Variants in ATP10B observed in about 807,000 individuals in gnomAD.
ATP10B encodes the protein phospholipid-transporting ATPase VB.
A neutral mutation model predicts 141.2 loss-of-function variants in ATP10B; 122 were observed. That is an observed-to-expected ratio of 0.86 (90% CI 0.75 to 1.00). The LOEUF is 1.00. Ranked by LOEUF, ATP10B falls within the 50% of genes least tolerant of loss-of-function variation. ATP10B has a pLI of 0.00. For synonymous variants in ATP10B, 685 were observed against 692.0 expected, an observed-to-expected ratio of 0.99 and a Z score of 0.16; for missense variants, 1,876 against 1,825.3, an observed-to-expected ratio of 1.03 and a Z score of -0.51.
chr5:160,734,549 A>G lies in ATP10B; in HGVS notation c.-330-17515T>C, dbSNP rs573803262. On this transcript the variant is annotated intron_variant, in intron 2 of 25. Coordinates refer to ENST00000327245, the MANE Select transcript of ATP10B (RefSeq NM_025153.3). ...AAAAGTTAAGAGTTTATATTAATTTATAAGATTCATAACCTAGTACAACCA... is the reference window on the plus strand; with the variant it reads ...AAAAGTTAAGAGTTTATATTAATTTGTAAGATTCATAACCTAGTACAACCA... 4.6e-5 allele frequency among the ~76,000 whole-genome samples: 7 copies of G among 152,178 alleles called. No homozygotes were observed. The South Asian group carries it at 6.2e-4, about 14-fold the overall frequency.
At chr5:160,860,557 A>C in the ATP10B span, among the ~76,000 whole-genome samples, 1 of 152,010 alleles carries the variant, frequency 6.6e-6, no homozygotes, top group African/African-American at 2.4e-5. Context: ...GGTAAAGATG[A>C]AACAACAATG....
At chr5:160,737,289 C>A (rs1374819414) in intron 2 of ATP10B, among the ~76,000 whole-genome samples, 2 of 152,286 alleles carry the variant, frequency 1.3e-5, no homozygotes, top group Middle Eastern at 3.4e-3. Context: ...AGACCCTCAA[C>A]TGGTGTCATA....
intron 1 of ATP10B, among the ~76,000 whole-genome samples, chr5:160,808,288 T>C (rs948389427): frequency 6.6e-6 from 1 of 152,218 alleles, no homozygotes; most frequent in Non-Finnish European, 1.5e-5. Flanking sequence ...AACTTTCTAA[T>C]GAATTTGCGA....
Position 160,617,980 on chromosome 5 carries a change from A to T in ATP10B, c.2417-7T>A, listed in dbSNP as rs773593921. The stretch of plus-strand genomic sequence containing the variant: ...TCCATATTAATGTCAGGTACTGTCA[A>T]ATAGCCATTTTCCCGCATGAGGCCA... On this transcript the variant is annotated splice_region_variant and splice_polypyrimidine_tract_variant and intron_variant, in intron 15 of 25. Coordinates refer to ENST00000327245, the MANE Select transcript of ATP10B (RefSeq NM_025153.3). 1.2e-6 allele frequency: 2 copies of T among 1,611,036 alleles called. No homozygotes were observed. Among genetic ancestry groups the T allele is most frequent in the Non-Finnish European group, 1.7e-6 (2 of 1,177,210 alleles).
At chr5:160,674,015 T>TC (rs1401887969) in intron 6 of ATP10B, among the ~76,000 whole-genome samples, 29 of 152,316 alleles carry the variant, frequency 1.9e-4, no homozygotes, top group Admixed American at 1.5e-3. Context: ...TCCTTTTTTT[T>TC]CTCCCTTCTT....
the ATP10B span, among the ~76,000 whole-genome samples, chr5:160,866,373 C>A: frequency 6.6e-6 from 1 of 151,922 alleles, no homozygotes; most frequent in Non-Finnish European, 1.5e-5. Flanking sequence ...GGATGCAAAG[C>A]CATAAGAATG....
intron 2 of ATP10B, among the ~76,000 whole-genome samples, chr5:160,723,420 A>G (rs9313855): frequency 0.77 from 116,561 of 152,100 alleles, 44,952 homozygotes; most frequent in African/African-American, 0.83. Context: ...GTAGCTAACT[A>G]TTATGCACCA....
chr5:160,823,898 C>CA (rs1317532499), intron 1 of ATP10B, among the ~76,000 whole-genome samples: 1 of 152,048 alleles, frequency 6.6e-6, no homozygotes, highest in Non-Finnish European at 1.5e-5. Context: ...AATGTACCCA[C>CA]AAAAATTAAA....
intron 10 of ATP10B, chr5:160,639,111 G>A (rs1281737896): frequency 6.6e-6 from 1 of 152,340 alleles, no homozygotes; most frequent in African/African-American, 2.4e-5. Context: ...GGGGCTAAGA[G>A]TGGCCTCTCT....
chr5:160,650,401 A>G (rs574886711), intron 7 of ATP10B, among the ~76,000 whole-genome samples: 2 of 152,254 alleles, frequency 1.3e-5, no homozygotes, highest in South Asian at 4.1e-4. Flanking sequence ...TGTAACAAAG[A>G]TCCCACCAAG....
chr5:160,716,885 G>T lies in ATP10B; in HGVS notation c.-205+24C>A, dbSNP rs530311938. The T allele has an allele frequency of 6.1e-6, 6 of 984,702 alleles. No homozygotes were observed. In the East Asian group the frequency reaches 6.8e-4, roughly 112 times the overall value. The allele number at this position is 984,702 out of a possible 1,614,324, so 61.0% of individuals were successfully genotyped here. The stretch of plus-strand genomic sequence containing the variant: ...TTCCACATAGGAAAAGGAAAGAAAC[G>T]GGGAAGCAACGCAAAAGATATACCT... On this transcript the variant is annotated intron_variant, in intron 3 of 25. Transcript: ENST00000327245.
intron 3 of ATP10B, among the ~76,000 whole-genome samples, chr5:160,690,168 A>T (rs1463407969): frequency 6.6e-6 from 1 of 152,234 alleles, no homozygotes; most frequent in African/African-American, 2.4e-5. Flanking sequence ...AGAAACTGAA[A>T]CTGGACACCT....
intron 24 of ATP10B, among the ~76,000 whole-genome samples, chr5:160,570,437 T>G (rs1419102082): frequency 2.6e-5 from 4 of 152,206 alleles, no homozygotes; most frequent in Non-Finnish European, 5.9e-5. Flanking sequence ...GATTACTCAA[T>G]AAGTCTAAAC....
Position 160,627,106 on chromosome 5 carries a change from A to T in ATP10B, c.1621-4521T>A, listed in dbSNP as rs973696351. Among the ~76,000 whole-genome samples, 3 of 151,838 alleles carry T rather than the reference A, an allele frequency of 2.0e-5. No individual in the cohort carries two copies. The South Asian group carries it at 6.2e-4, about 32-fold the overall frequency. ...CAGATTGTCTCCTCTCACAACCTGC[A>T]CTCCTCATCCACTCCTCACTAGGTG... On this transcript the variant is annotated intron_variant, in intron 13 of 25. Coordinates refer to ENST00000327245, the MANE Select transcript of ATP10B (RefSeq NM_025153.3).
At chr5:160,569,407 G>T in intron 25 of ATP10B, 89 bp downstream of exon 25, 1 of 1,338,830 alleles carries the variant, frequency 7.5e-7, no homozygotes, top group Non-Finnish European at 1.0e-6. Context: ...GCCAGCAGAA[G>T]TCAAACTCCT....
chr5:160,636,511 T>C (rs1049355626), intron 10 of ATP10B, among the ~76,000 whole-genome samples: 5 of 152,222 alleles, frequency 3.3e-5, no homozygotes, highest in African/African-American at 1.2e-4. Flanking sequence ...TTCGTATACA[T>C]TTCAATCCTT....
chr5:160,716,304 T>G (rs1325437807), intron 3 of ATP10B, among the ~76,000 whole-genome samples: 1 of 152,254 alleles, frequency 6.6e-6, no homozygotes, highest in African/African-American at 2.4e-5. Context: ...ACTATTATTT[T>G]GCTGTAAGTA....
intron 1 of ATP10B, among the ~76,000 whole-genome samples, chr5:160,820,189 T>C (rs1179733612): frequency 1.3e-5 from 2 of 151,512 alleles, no homozygotes; most frequent in East Asian, 1.9e-4. Flanking sequence ...GATGAAAAAG[T>C]AGACCTTACA....
At chr5:160,643,751 C>T (rs529455773) in intron 9 of ATP10B, among the ~76,000 whole-genome samples, 1 of 152,324 alleles carries the variant, frequency 6.6e-6, no homozygotes, top group Admixed American at 6.5e-5. Flanking sequence ...GAGGCAGATA[C>T]AAATATTCTC....
Sources: allele counts gnomAD v4.1 joint callset (sites outside exome capture counted in the v4.1 genomes callset), GRCh38; gene constraint gnomAD v4.1.1; transcripts MANE v1.5; gene names NCBI Gene and HGNC (gene_info 2026-07-23, HGNC 2026-07-21).